Variants in CDON observed in about 807,000 individuals in gnomAD.
The protein encoded by CDON is cell adhesion associated, oncogene regulated, also known as cell adhesion molecule-related/down-regulated by oncogenes.
CDON carries 73 observed loss-of-function variants against 120.9 expected under a neutral mutation model. The observed-to-expected ratio is 0.60, with a 90% confidence interval of 0.50 to 0.73. The LOEUF (loss-of-function observed/expected upper bound fraction) is 0.73, where lower values mean the gene tolerates loss of function less well. CDON is among the 30% of genes least tolerant of loss of function. The pLI, the probability that CDON is intolerant of heterozygous loss-of-function variation, is 0.00. For synonymous variants in CDON, 566 were observed against 573.5 expected, an observed-to-expected ratio of 0.99 and a Z score of 0.19; for missense variants, 1,470 against 1,587.3, an observed-to-expected ratio of 0.93 and a Z score of 1.26.
At chr11:126,018,581 T>C in intron 4 of CDON, 108 bp from the exon 5 acceptor site, 1 of 978,268 alleles carries the variant, frequency 1.0e-6, no homozygotes, top group Non-Finnish European at 1.6e-6. Flanking sequence ...TCTTATTTTA[T>C]TTTAGAGATG....
intron 14 of CDON, among the ~76,000 whole-genome samples, chr11:125,993,527 C>T (rs960155997): frequency 1.3e-5 from 2 of 152,074 alleles, no homozygotes; most frequent in Admixed American, 6.6e-5. Context: ...GGAAGTCACC[C>T]GAGGGGAAGT....
At chr11:126,053,372 G>A (rs770964571) in intron 1 of CDON, among the ~76,000 whole-genome samples, 25 of 152,120 alleles carry the variant, frequency 1.6e-4, no homozygotes, top group African/African-American at 5.6e-4. Context: ...ACTACTGCTC[G>A]GATGCTAGGA....
Position 125,981,154 on chromosome 11 carries a change from G to A in CDON, c.3171C>T (p.Val1057=), listed in dbSNP as rs1946284874. The A allele has an allele frequency of 6.2e-7, 1 of 1,613,982 alleles. No homozygotes were observed. Among genetic ancestry groups the A allele is most frequent in the Admixed American group, 1.7e-5 (1 of 60,002 alleles). The change falls in exon 17 of 20, where the codon GTC becomes GTT. Residue 1057 remains valine, a synonymous_variant. Transcript: ENST00000531738. ...TTAGGCTCCCATTCACAATTCCATTGACTGCATTGGGGACCTTATGGTGAA... is the reference window on the plus strand; with the variant it reads ...TTAGGCTCCCATTCACAATTCCATTAACTGCATTGGGGACCTTATGGTGAA... ...SHLHHKVPNA[V]NGIVNGSLNG... is the part of the protein sequence containing the mutation.
At chr11:125,988,954 C>T (rs1331695531) in intron 15 of CDON, among the ~76,000 whole-genome samples, 3 of 151,906 alleles carry the variant, frequency 2.0e-5, no homozygotes, top group Non-Finnish European at 2.9e-5. Flanking sequence ...AGAAAGTAGT[C>T]AACAAATATT....
Position 126,006,066 on chromosome 11 carries a change from A to G in CDON, c.1553-9T>C, listed in dbSNP as rs896382324. 3.1e-6 allele frequency: 5 copies of G among 1,604,278 alleles called. No homozygotes were observed. The highest frequency in any genetic ancestry group is 3.3e-5 in the Admixed American group (2 of 59,956). On this transcript the variant is annotated splice_polypyrimidine_tract_variant and intron_variant, in intron 8 of 19. Coordinates refer to ENST00000531738, the MANE Select transcript of CDON (RefSeq NM_001378964.1). Reference sequence around the variant, plus strand: ...ATTTGTTTCAAAAGGAACTGCAGGGAGAGAGAGAGGAGACAGCTTGAAGAT... The same window carrying G: ...ATTTGTTTCAAAAGGAACTGCAGGGGGAGAGAGAGGAGACAGCTTGAAGAT...
chr11:126,007,767 T>C (rs1000521204), intron 8 of CDON, among the ~76,000 whole-genome samples: 2 of 152,068 alleles, frequency 1.3e-5, no homozygotes, highest in African/African-American at 4.8e-5. Flanking sequence ...AAAAGGGGGA[T>C]TCAATTAACT....
chr11:126,018,972 G>C (rs1947550812), intron 4 of CDON, among the ~76,000 whole-genome samples: 1 of 152,190 alleles, frequency 6.6e-6, no homozygotes, highest in South Asian at 2.1e-4. Flanking sequence ...AAAGTCTACA[G>C]AACTAGCATA....
chr11:125,980,583 GACTGTAAGTGTCAA>G (rs558095879), intron 17 of CDON, among the ~76,000 whole-genome samples: 614 of 152,204 alleles, frequency 4.0e-3, no homozygotes, highest in Middle Eastern at 0.01. Context: ...AGTCCATGAC[GACTGTAAGTGTCAA>G]ACCGCGGCTG....
intron 2 of CDON, among the ~76,000 whole-genome samples, chr11:126,022,006 G>A (rs1469867430): frequency 1.3e-5 from 2 of 151,470 alleles, no homozygotes; most frequent in Non-Finnish European, 2.9e-5. Flanking sequence ...AGAGGCTGAG[G>A]TGGGAGGATT....
rs1473019839 is a variant in CDON at position 126,005,742 on chromosome 11, A to G, written c.1851+17T>C. On this transcript the variant is annotated intron_variant, in intron 9 of 19. Transcript: ENST00000531738. ...TCAGGTGTGAGCCGAGAAAGATGAT[A>G]AACGACAAGACATTACCTTTCGATA... is the stretch of plus-strand genomic sequence containing the variant. 1.9e-6 allele frequency: 3 copies of G among 1,611,126 alleles called. No homozygotes were observed. In the East Asian group the frequency reaches 6.7e-5, roughly 36 times the overall value.
At chr11:126,014,890 G>A (rs1947415344) in intron 7 of CDON, 2 of 249,282 alleles carry the variant, frequency 8.0e-6, no homozygotes, top group Non-Finnish European at 1.6e-5. Flanking sequence ...CCACTCATAT[G>A]TGCACTACAT....
At chr11:125,986,407 G>A (rs1946460483) in intron 15 of CDON, among the ~76,000 whole-genome samples, 1 of 152,030 alleles carries the variant, frequency 6.6e-6, no homozygotes. Flanking sequence ...TTGTGCACAT[G>A]TACCCTAGAA....
chr11:126,051,954 T>C (rs879803342), intron 1 of CDON, among the ~76,000 whole-genome samples: 10 of 152,136 alleles, frequency 6.6e-5, no homozygotes, highest in Non-Finnish European at 1.3e-4. Context: ...TGGCCAACAA[T>C]AGCTCTTTTA....
At chr11:126,044,078 G>A (rs1357589184) in intron 1 of CDON, among the ~76,000 whole-genome samples, 1 of 152,196 alleles carries the variant, frequency 6.6e-6, no homozygotes, top group Non-Finnish European at 1.5e-5. Context: ...AAAAAGAAAC[G>A]TGGGAGATTT....
intron 1 of CDON, among the ~76,000 whole-genome samples, chr11:126,061,910 G>A: frequency 6.6e-6 from 1 of 152,202 alleles, no homozygotes; most frequent in East Asian, 1.9e-4. Flanking sequence ...ACAATGAAGG[G>A]AAGGGCAAGA....
chr11:125,971,238 C>T (rs1194002652), intron 18 of CDON, among the ~76,000 whole-genome samples: 5 of 151,950 alleles, frequency 3.3e-5, no homozygotes, highest in Non-Finnish European at 5.9e-5. Flanking sequence ...AAAAAATTAG[C>T]TGGGTGTGGT....
At chr11:125,982,025 C>CCAGGCTGGA (rs1946327466) in intron 16 of CDON, among the ~76,000 whole-genome samples, 1 of 99,890 alleles carries the variant, frequency 1.0e-5, no homozygotes. Flanking sequence ...CTCTTGTTGC[C>CCAGGCTGGA]CAGGCTGGAG....
At chr11:126,049,801 G>A (rs1236889977) in intron 1 of CDON, among the ~76,000 whole-genome samples, 2 of 152,106 alleles carry the variant, frequency 1.3e-5, no homozygotes, top group East Asian at 3.9e-4. Context: ...TGGGTGCAGG[G>A]GCACCATGGA....
intron 14 of CDON, among the ~76,000 whole-genome samples, chr11:125,993,195 T>G (rs1453282815): frequency 1.3e-5 from 2 of 152,170 alleles, no homozygotes; most frequent in African/African-American, 4.8e-5. Context: ...CGTTAGAGAT[T>G]CCCTTGTTCT....
Sources: gnomAD v4.1 joint callset for allele counts (sites outside exome capture counted in the v4.1 genomes callset) on GRCh38, gnomAD v4.1.1 for gene constraint, MANE v1.5 for transcripts, NCBI Gene and HGNC (gene_info 2026-07-23, HGNC 2026-07-21) for gene names.